Variants in STARD9 observed in about 807,000 individuals in gnomAD.
STARD9 encodes the protein stAR-related lipid transfer protein 9.
STARD9 carries 346 observed loss-of-function variants against 399.8 expected under a neutral mutation model. The observed-to-expected ratio is 0.87, with a 90% CI of 0.79 to 0.95. The LOEUF is 0.95. Ranked by LOEUF, STARD9 falls within the 40% of genes least tolerant of loss-of-function variation. STARD9 has a pLI of 0.00. For missense variants in STARD9, 5,832 were observed against 5,667.5 expected (o/e 1.03, Z -0.93); for synonymous variants, 2,203 against 2,143.5 (o/e 1.03, Z -0.77).
chr15:42,645,165 A>T (rs1472541590), intron 7 of STARD9, among the ~76,000 whole-genome samples: 1 of 152,234 alleles, frequency 6.6e-6, no homozygotes, highest in African/African-American at 2.4e-5. Flanking sequence ...AATGTCCTTA[A>T]TGCCATCTAA....
intron 3 of STARD9, among the ~76,000 whole-genome samples, chr15:42,608,207 C>G (rs889480178): frequency 6.6e-6 from 1 of 152,156 alleles, no homozygotes; most frequent in Non-Finnish European, 1.5e-5. Flanking sequence ...TCTTGTGACT[C>G]TGGCATGCAG....
At chr15:42,614,180 G>A (rs2058910393) in intron 3 of STARD9, among the ~76,000 whole-genome samples, 1 of 151,596 alleles carries the variant, frequency 6.6e-6, no homozygotes, top group Non-Finnish European at 1.5e-5. Context: ...ACGTGGTGGT[G>A]GGCGCCTGTA....
chr15:42,697,214 T>C (rs1212379806), intron 26 of STARD9, among the ~76,000 whole-genome samples: 3 of 152,142 alleles, frequency 2.0e-5, no homozygotes, highest in Non-Finnish European at 2.9e-5. Flanking sequence ...CTTTTTCTTT[T>C]AAAAATATCT....
In STARD9 at chr15:42,693,113, C is replaced by T. The variant is rs1302599508; in HGVS notation, c.11535C>T (p.Ser3845=). Residue 3845 remains serine (S), a synonymous_variant, in exon 23 of 33, where the codon AGC becomes AGT. Coordinates refer to ENST00000290607, the MANE Select transcript of STARD9 (RefSeq NM_020759.3). ...TTTCTGATGCTTTCCTGCCTCCCAG[C>T]TCCCAGCCAGAGGAGTCATATTGCT... is the stretch of plus-strand genomic sequence containing the variant. The part of the protein sequence containing the change: ...PSVSDAFLPP[S]SQPEESYCLV... 2 of 1,537,214 alleles carry T rather than the reference C, an allele frequency of 1.3e-6. No individual in the cohort carries two copies. Among genetic ancestry groups the T allele is most frequent in the Admixed American group, 2.0e-5 (1 of 50,992 alleles).
chr15:42,709,065 G>A (rs927407932), intron 26 of STARD9, among the ~76,000 whole-genome samples: 6 of 151,730 alleles, frequency 4.0e-5, no homozygotes, highest in Admixed American at 2.0e-4. Flanking sequence ...GGTGGTTGGG[G>A]GTCTCTCCAC....
At chr15:42,620,966 C>G (rs2059080956) in intron 3 of STARD9, among the ~76,000 whole-genome samples, 1 of 151,978 alleles carries the variant, frequency 6.6e-6, no homozygotes, top group Admixed American at 6.6e-5. Context: ...GTTGGCCAGT[C>G]TGGTCTCGAA....
chr15:42,682,046 G>A, intron 21 of STARD9, 58 bp from the exon 22 acceptor site: 1 of 1,178,756 alleles, frequency 8.5e-7, no homozygotes, highest in Non-Finnish European at 1.2e-6. Context: ...CTGAGTCCAG[G>A]CAGCCACAAG....
chr15:42,717,443 T>G (rs2061371190), intron 28 of STARD9, among the ~76,000 whole-genome samples: 1 of 151,860 alleles, frequency 6.6e-6, no homozygotes, highest in South Asian at 2.1e-4. Context: ...GGCAACATGG[T>G]GAGACCCTGT....
In STARD9 at chr15:42,693,871, G is replaced by T. The variant is rs748289268; in HGVS notation, c.12293G>T (p.Gly4098Val). 9.1e-6 allele frequency: 14 copies of T among 1,534,820 alleles called. No homozygotes were observed. The highest frequency in any genetic ancestry group is 7.2e-5 in the South Asian group (6 of 83,874). Residue 4098 changes from glycine to valine, a missense_variant, in exon 23 of 33, where the codon GGG becomes GTG. Gly to Val is a moderately radical substitution (Grantham distance 109). Around this residue, in one of 2 missense-constraint regions of STARD9, gnomAD observed 5,828 missense variants for 5,651.1 expected, o/e 1.03. Coordinates refer to ENST00000290607, the MANE Select transcript of STARD9 (RefSeq NM_020759.3). ...CPVSELTDTAGLRGSALGLPQ... is the reference protein window; with the variant it reads ...CPVSELTDTAVLRGSALGLPQ... ...GTCTCTGAGTTGACTGATACTGCAGGGCTCCGAGGTTCTGCCTTGGGCCTC... is the reference window on the plus strand; with the variant it reads ...GTCTCTGAGTTGACTGATACTGCAGTGCTCCGAGGTTCTGCCTTGGGCCTC...
intron 15 of STARD9, among the ~76,000 whole-genome samples, chr15:42,667,001 G>A (rs1008876154): frequency 9.2e-5 from 14 of 151,922 alleles, no homozygotes; most frequent in Non-Finnish European, 1.8e-4. Context: ...TTTTAGTAGA[G>A]ACGGGGTTTC....
At chr15:42,709,987 C>T (rs2061175171) in intron 26 of STARD9, among the ~76,000 whole-genome samples, 1 of 151,136 alleles carries the variant, frequency 6.6e-6, no homozygotes, top group Non-Finnish European at 1.5e-5. Context: ...TTTCATTGTT[C>T]AACTTGTTCC....
rs2060755757 is a variant in STARD9 at position 42,693,190 on chromosome 15, C to T, written c.11612C>T (p.Pro3871Leu). ...TCCCCTCATTCCCCAGGGCTCTTTC[C>T]CAGTACTTCCGAGTATCCTGGGGAC... ...PSSPHSPGLF[P>L]STSEYPGDSR... Residue 3871 changes from proline to leucine, a missense_variant, in exon 23 of 33, where the codon CCC becomes CTC. Transcript: ENST00000290607. The T allele has an allele frequency of 8.5e-6, 13 of 1,537,162 alleles. No homozygotes were observed. The highest frequency in any genetic ancestry group is 1.0e-5 in the Non-Finnish European group (12 of 1,146,882).
At position 42,687,176 on chromosome 15, in the gene STARD9, T is replaced by A; in HGVS notation, c.5598T>A (p.Cys1866Ter). 6.5e-7 allele frequency: 1 copy of A among 1,537,388 alleles called. No homozygotes were observed. The highest frequency in any genetic ancestry group is 8.7e-7 in the Non-Finnish European group (1 of 1,146,944). ...HFLPSTSTKV[C>*]EFENQVVILN... ...TCCCCTCTACCAGCACAAAAGTATGTGAATTTGAAAACCAAGTTGTAATTT... is the reference window on the plus strand; with the variant it reads ...TCCCCTCTACCAGCACAAAAGTATGAGAATTTGAAAACCAAGTTGTAATTT... Residue 1866 changes from cysteine to a stop codon, truncating the protein, a stop_gained, in exon 23 of 33, where the codon TGT (cysteine) becomes TGA (stop). Transcript: ENST00000290607. LOFTEE classifies it high-confidence loss of function.
intron 20 of STARD9, 52 bp downstream of exon 20, chr15:42,676,027 G>A: frequency 1.4e-6 from 1 of 733,734 alleles, no homozygotes; most frequent in Non-Finnish European, 2.2e-6. Context: ...TCGCTTCTTA[G>A]TCCATGACAG....
intron 26 of STARD9, among the ~76,000 whole-genome samples, chr15:42,711,439 C>T (rs544388225): frequency 3.3e-5 from 5 of 152,318 alleles, no homozygotes; most frequent in Admixed American, 2.6e-4. Context: ...CTGCACCCAG[C>T]TCCACATAGC....
chr15:42,583,812 A>G (rs2058220890), intron 2 of STARD9, among the ~76,000 whole-genome samples: 1 of 152,114 alleles, frequency 6.6e-6, no homozygotes, highest in Admixed American at 6.5e-5. Context: ...ATCTAGAGAC[A>G]TTATTAGGCA....
rs2061412807 is a variant in STARD9, at chr15:42,719,467, T to C, written c.14002-6T>C. On this transcript the variant is annotated splice_region_variant and splice_polypyrimidine_tract_variant and intron_variant, in intron 32 of 32. Transcript: ENST00000290607. ...GCACCTTAAATTCTTCTCTCTCTGC[T>C]TTCAGGTGGAACTTGGTGCTCCAGG... The C allele has an allele frequency of 2.0e-6, 3 of 1,530,028 alleles. No individual in the cohort carries two copies. The South Asian group carries it at 3.6e-5, about 18-fold the overall frequency. The allele number at this position is 1,530,028 out of a possible 1,614,324, so 94.8% of individuals were successfully genotyped here. A position where few individuals can be genotyped will look rare whatever the true frequency, so the allele number is the denominator to read the frequency against.
In STARD9 at chr15:42,716,941, C is replaced by T; in HGVS notation, c.13387C>T (p.Leu4463=). ...ATTTCTTGTAGGCCACAGAGCCTCC[C>T]TGGGCAGTTGCTGCTGTTCACCATC... ...KNSAYSHRAS[L]GSCCCSPSSL... is the part of the protein sequence containing the mutation. The change falls in exon 28 of 33, where the codon CTG becomes TTG. Residue 4463 remains leucine, a synonymous_variant. Coordinates refer to ENST00000290607, the MANE Select transcript of STARD9 (RefSeq NM_020759.3). 6.5e-7 allele frequency: 1 copy of T among 1,537,236 alleles called. No homozygotes were observed. The highest frequency in any genetic ancestry group is 8.7e-7 in the Non-Finnish European group (1 of 1,146,892).
At position 42,693,383 on chromosome 15, in the gene STARD9, C is replaced by T. The variant is rs1341911782; in HGVS notation, c.11805C>T (p.Asp3935=). Residue 3935 remains aspartate, a synonymous_variant, in exon 23 of 33, where the codon GAC becomes GAT. Transcript: ENST00000290607. Reference sequence around the variant, plus strand: ...CTGTTGAAGGCCACCAGAAGCTTGACTCCAGCCCAGACCCTGTTGATGCCC... The same window carrying T: ...CTGTTGAAGGCCACCAGAAGCTTGATTCCAGCCCAGACCCTGTTGATGCCC... The part of the protein sequence containing the change: ...THPVEGHQKL[D]SSPDPVDAPR... 3.3e-6 allele frequency: 5 copies of T among 1,537,064 alleles called. No individual in the cohort carries two copies. The highest frequency in any genetic ancestry group is 4.4e-6 in the Non-Finnish European group (5 of 1,146,888).
Sources: allele counts gnomAD v4.1 joint callset (sites outside exome capture counted in the v4.1 genomes callset), GRCh38; gene constraint gnomAD v4.1.1; regional missense constraint gnomAD v4.1.1; transcripts MANE v1.5; gene names NCBI Gene and HGNC (gene_info 2026-07-23, HGNC 2026-07-21).